SYCP2L: variants seen among roughly 807,000 people sequenced by gnomAD.
The protein encoded by SYCP2L is synaptonemal complex protein 2 like.
Under a neutral mutation model 125.8 loss-of-function variants are expected in SYCP2L, and 98 were observed. The observed-to-expected ratio is 0.78, with a 90% confidence interval of 0.66 to 0.92. The LOEUF (loss-of-function observed/expected upper bound fraction) is 0.92, where lower values mean the gene tolerates loss of function less well. Ranked by LOEUF, SYCP2L falls within the 40% of genes least tolerant of loss-of-function variation. The pLI is 0.00. For synonymous variants in SYCP2L, 317 were observed against 325.4 expected (o/e 0.97, Z 0.28); for missense variants, 842 against 936.4 (o/e 0.90, Z 1.32).
At chr6:10,952,673 T>G (rs1262287734) in intron 23 of SYCP2L, among the ~76,000 whole-genome samples, 4 of 151,746 alleles carry the variant, frequency 2.6e-5, no homozygotes, top group African/African-American at 9.7e-5. Flanking sequence ...TGAGGCTAGG[T>G]GGAATCCTTT....
In SYCP2L at chr6:10,903,782, TAAA is replaced by T. The variant is rs960339479; in HGVS notation, c.641+823_641+825del. 9.4e-4 allele frequency among the ~76,000 whole-genome samples: 143 copies of T among 151,952 alleles called. No homozygotes were observed. In the Middle Eastern group the frequency reaches 0.02, roughly 22 times the overall value. On this transcript the variant is annotated intron_variant, in intron 8 of 29. Transcript: ENST00000283141. ...ATAAAAATAAATAAAAATAAAAAAATAAAAAAGACATTCCTAGATTTTTCCTTT... is the reference window on the plus strand; with the variant it reads ...ATAAAAATAAATAAAAATAAAAAAATAAAGACATTCCTAGATTTTTCCTTT...
At chr6:10,902,812 G>A (rs776567340) in intron 7 of SYCP2L, 50 bp downstream of exon 7, 1 of 1,610,502 alleles carries the variant, frequency 6.2e-7, no homozygotes, top group Non-Finnish European at 8.5e-7. Flanking sequence ...AAACCTAAAA[G>A]AAGATCGTAC....
intron 12 of SYCP2L, among the ~76,000 whole-genome samples, 192 bp downstream of exon 12, chr6:10,911,061 T>C (rs528610899): frequency 6.6e-6 from 1 of 152,268 alleles, no homozygotes; most frequent in African/African-American, 2.4e-5. Context: ...TACCAGTAAG[T>C]TTAAGGCCTC....
intron 14 of SYCP2L, among the ~76,000 whole-genome samples, chr6:10,918,683 C>T (rs1306364377): frequency 3.3e-5 from 5 of 151,910 alleles, no homozygotes; most frequent in African/African-American, 7.3e-5. Context: ...ATTACAGGCA[C>T]GTGCCACCAT....
chr6:10,951,515 T>C (rs984046887), intron 23 of SYCP2L, among the ~76,000 whole-genome samples: 5 of 152,206 alleles, frequency 3.3e-5, no homozygotes, highest in African/African-American at 7.2e-5. Context: ...CAAATAAATA[T>C]TTATTATCAG....
In SYCP2L at chr6:10,907,892, G is replaced by GTTTTTTTTTTTTTTTTT. The variant is rs551103839; in HGVS notation, c.819+210_819+226dup. ...GAGCTAGATATAGGGATACAGATAG[G>GTTTTTTTTTTTTTTTTT]TTTTTTTTTTTTTTTTTTGACAGAG... is the stretch of plus-strand genomic sequence containing the variant. On this transcript the variant is annotated intron_variant, in intron 10 of 29. Transcript: ENST00000283141. Among the ~76,000 whole-genome samples, 864 of 91,872 alleles carry GTTTTTTTTTTTTTTTTT rather than the reference G, an allele frequency of 9.4e-3. 175 individuals are homozygous for GTTTTTTTTTTTTTTTTT. The highest frequency in any genetic ancestry group is 0.031 in the African/African-American group (747 of 24,094). The allele number at this position is 91,872 out of a possible 152,430, so 60.3% of individuals were successfully genotyped here.
intron 29 of SYCP2L, among the ~76,000 whole-genome samples, chr6:10,967,905 G>A (rs1284809176): frequency 6.6e-6 from 1 of 152,134 alleles, no homozygotes; most frequent in Admixed American, 6.6e-5. Flanking sequence ...TCAGATTCAG[G>A]TGTAAAGAAA....
Position 10,951,295 on chromosome 6 carries a change from G to A in SYCP2L, c.1955-3821G>A, listed in dbSNP as rs147167056. Among the ~76,000 whole-genome samples, 115 of 152,152 alleles carry A rather than the reference G, an allele frequency of 7.6e-4. 1 individual carries two copies. The highest frequency in any genetic ancestry group is 7.8e-4 in the Non-Finnish European group (53 of 67,984). ...AAAAACATTAGCCAGGCATGGTGGC[G>A]TGTCCCTGTGTTCCCAGCTACTCTG... is the stretch of plus-strand genomic sequence containing the variant. On this transcript the variant is annotated intron_variant, in intron 23 of 29. Coordinates refer to ENST00000283141, the MANE Select transcript of SYCP2L (RefSeq NM_001040274.3).
At chr6:10,937,343 A>G (rs1781117162) in intron 21 of SYCP2L, among the ~76,000 whole-genome samples, 1 of 152,222 alleles carries the variant, frequency 6.6e-6, no homozygotes, top group South Asian at 2.1e-4. Flanking sequence ...CTCCCGAATA[A>G]CCAATGGATC....
At chr6:10,971,714 C>T (rs917417214) in intron 29 of SYCP2L, among the ~76,000 whole-genome samples, 2 of 151,714 alleles carry the variant, frequency 1.3e-5, no homozygotes, top group African/African-American at 4.8e-5. Flanking sequence ...GAAGGAGTTT[C>T]GCTCTTGTTG....
rs942480148 is a variant in SYCP2L at position 10,974,176 on chromosome 6, A to G, written c.*262A>G. The G allele has an allele frequency of 7.2e-5, 11 of 152,094 alleles. No individual in the cohort carries two copies. Among genetic ancestry groups the G allele is most frequent in the South Asian group, 2.1e-4 (1 of 4,828 alleles). 9.4% of individuals were successfully genotyped at this position (152,094 alleles called of 1,614,324 possible). On this transcript the variant is annotated 3_prime_UTR_variant, in exon 30 of 30. Coordinates refer to ENST00000283141, the MANE Select transcript of SYCP2L (RefSeq NM_001040274.3). ...ATTAAAATTTGGTCAGATAGTATTAATAGAAAGTTCAGGATGTTAAACAAC... is the reference window on the plus strand; with the variant it reads ...ATTAAAATTTGGTCAGATAGTATTAGTAGAAAGTTCAGGATGTTAAACAAC...
chr6:10,903,188 A>G (rs1018002575), intron 8 of SYCP2L, among the ~76,000 whole-genome samples: 2 of 152,044 alleles, frequency 1.3e-5, no homozygotes, highest in African/African-American at 4.8e-5. Flanking sequence ...TAATCCCAGC[A>G]CTTTGGGGGG....
intron 23 of SYCP2L, 71 bp downstream of exon 23, chr6:10,942,817 GCTGTTA>G: frequency 7.2e-7 from 1 of 1,387,688 alleles, no homozygotes; most frequent in Non-Finnish European, 9.8e-7. Flanking sequence ...GGCAGACTGG[GCTGTTA>G]CTCAGATTGC....
chr6:10,942,752 A>C lies in SYCP2L; in HGVS notation c.1954+6A>C, dbSNP rs1370308551. ...GAGAAACTTGGAAGACAAAGGTAAG[A>C]GAATAGTACTTTTTTTTTTTTTTTT... is the stretch of plus-strand genomic sequence containing the variant. On this transcript the variant is annotated splice_donor_region_variant and intron_variant, in intron 23 of 29. Transcript: ENST00000283141. 1.9e-6 allele frequency: 3 copies of C among 1,584,058 alleles called. No individual in the cohort carries two copies. The highest frequency in any genetic ancestry group is 4.5e-5 in the East Asian group (2 of 44,524).
intron 20 of SYCP2L, 22 bp from the exon 21 acceptor site, chr6:10,935,036 T>TAA: frequency 6.4e-7 from 1 of 1,565,550 alleles, no homozygotes; most frequent in Non-Finnish European, 8.6e-7. Context: ...TGTTAACACT[T>TAA]AAAAAAGATA....
chr6:10,910,993 C>G (rs952540379), intron 12 of SYCP2L, 124 bp downstream of exon 12: 1 of 1,002,948 alleles, frequency 1.0e-6, no homozygotes, highest in Admixed American at 1.8e-5. Flanking sequence ...AGGATGCCAA[C>G]GTCTTCTAAT....
chr6:10,970,912 G>C (rs905836127), intron 29 of SYCP2L, among the ~76,000 whole-genome samples: 1 of 152,070 alleles, frequency 6.6e-6, no homozygotes, highest in African/African-American at 2.4e-5. Flanking sequence ...CCAGCAAGAG[G>C]ATGAGAAGGA....
intron 4 of SYCP2L, among the ~76,000 whole-genome samples, chr6:10,896,253 T>C (rs1045510753): frequency 2.0e-5 from 3 of 152,206 alleles, no homozygotes; most frequent in African/African-American, 7.2e-5. Flanking sequence ...GTCATGGCTG[T>C]TGTGTCTGGC....
At chr6:10,909,116 A>ATTTTTTTTTTTTTTTT (rs67767345) in intron 10 of SYCP2L, among the ~76,000 whole-genome samples, 1 of 94,876 alleles carries the variant, frequency 1.1e-5, no homozygotes, top group African/African-American at 4.8e-5. Context: ...TCTCAATTGA[A>ATTTTTTTTTTTTTTTT]TTTTTTTTTT....
Sources: allele counts gnomAD v4.1 joint callset (sites outside exome capture counted in the v4.1 genomes callset), GRCh38; gene constraint gnomAD v4.1.1; transcripts MANE v1.5; gene names NCBI Gene and HGNC (gene_info 2026-07-23, HGNC 2026-07-21).